The following RBM42 variants were observed in gnomAD, a reference collection of about 807,000 sequenced individuals.
The protein encoded by RBM42 is RNA binding motif protein 42.
In RBM42, 21 loss-of-function variants were observed where a neutral mutation model predicts 41.4. That is an observed-to-expected ratio of 0.51 (90% CI 0.36 to 0.73). The LOEUF (loss-of-function observed/expected upper bound fraction) is 0.73. Among genes scored for constraint, RBM42 ranks in the 30% least tolerant of loss-of-function variants. The probability of loss-of-function intolerance (pLI) is 0.00; values close to 1 mark genes in which losing one functional copy is unlikely to be tolerated. For missense variants in RBM42, 539 were observed against 680.4 expected (o/e 0.79, Z 2.31); for synonymous variants, 272 against 271.2 (o/e 1.00, Z -0.03).
intron 4 of RBM42, chr19:35,631,783 G>GA: frequency 4.2e-6 from 1 of 240,336 alleles, no homozygotes; most frequent in Non-Finnish European, 8.2e-6. Flanking sequence ...TTGATGGGAT[G>GA]AACGGACTGT....
At chr19:35,634,656 A>ATTTTTTT (rs74276917) in intron 8 of RBM42, among the ~76,000 whole-genome samples, 1 of 139,872 alleles carries the variant, frequency 7.1e-6, no homozygotes, top group African/African-American at 2.7e-5. Flanking sequence ...TAGGATAAAA[A>ATTTTTTT]TTTTTTTTTT....
At chr19:35,631,897 G>A in intron 4 of RBM42, 1 of 159,330 alleles carries the variant, frequency 6.3e-6, no homozygotes, top group Non-Finnish European at 1.4e-5. Flanking sequence ...GGATGTGCCA[G>A]CAGTGCTTTT....
At chr19:35,630,827 T>C (rs1568333771) in intron 2 of RBM42, among the ~76,000 whole-genome samples, 1 of 151,446 alleles carries the variant, frequency 6.6e-6, no homozygotes, top group Non-Finnish European at 1.5e-5. Flanking sequence ...GCTAGTACAG[T>C]AATCTAGACA....
rs1307842428 is a variant in RBM42 at position 35,629,041 on chromosome 19, T to A, written c.-113T>A. Reference sequence around the variant, plus strand: ...GTCATGCGCCAGCGCCCGTCGCTTTTGCTGGACGTCATCCTCGGGAGCCCA... The same window carrying A: ...GTCATGCGCCAGCGCCCGTCGCTTTAGCTGGACGTCATCCTCGGGAGCCCA... On this transcript the variant is annotated 5_prime_UTR_variant, in exon 1 of 10. Coordinates refer to ENST00000262633, the MANE Select transcript of RBM42 (RefSeq NM_024321.5). The A allele has an allele frequency of 2.8e-6, 4 of 1,411,930 alleles. No homozygotes were observed. The East Asian group carries it at 1.0e-4, about 37-fold the overall frequency. 87.5% of individuals were successfully genotyped at this position (1,411,930 alleles called of 1,614,324 possible).
chr19:35,631,245 T>TA, intron 3 of RBM42, 21 bp downstream of exon 3: 1 of 1,613,156 alleles, frequency 6.2e-7, no homozygotes, highest in Non-Finnish European at 8.5e-7. Context: ...AGTAGCAAGG[T>TA]GAGGGGGTTG....
At chr19:35,633,322 G>A in intron 6 of RBM42, 70 bp downstream of exon 6, 2 of 1,243,680 alleles carry the variant, frequency 1.6e-6, no homozygotes, top group African/African-American at 1.5e-5. Flanking sequence ...TGGCCCAATG[G>A]GCTATGTCTG....
chr19:35,633,737 G>A lies in RBM42; in HGVS notation c.735G>A (p.Leu245=). ...RELGLGLGLG[L]KEKEEAVVAA... ...TGGGCCTAGGCCTGGGGTTGGGCCT[G>A]AAAGAGAAGGAAGAGGCAGTGGTGG... The change falls in exon 7 of 10, where the codon CTG becomes CTA. Residue 245 remains leucine (L), a synonymous_variant. Transcript: ENST00000262633. 2 of 1,490,600 alleles carry A rather than the reference G, an allele frequency of 1.3e-6. No individual in the cohort carries two copies. The highest frequency in any genetic ancestry group is 2.6e-5 in the East Asian group (1 of 39,046). The allele number at this position is 1,490,600 out of a possible 1,614,324, so 92.3% of individuals were successfully genotyped here. A position where few individuals can be genotyped will look rare whatever the true frequency, so the allele number is the denominator to read the frequency against.
At chr19:35,634,479 G>A (rs1445987785) in intron 8 of RBM42, 106 bp downstream of exon 8, 25 of 730,416 alleles carry the variant, frequency 3.4e-5, no homozygotes, top group South Asian at 2.1e-4. Flanking sequence ...TAGGGTGGGC[G>A]CTGTTGTTAG....
At chr19:35,632,549 T>C (rs1967423789) in intron 4 of RBM42, among the ~76,000 whole-genome samples, 1 of 152,202 alleles carries the variant, frequency 6.6e-6, no homozygotes, top group South Asian at 2.1e-4. Flanking sequence ...TCCCTGGGCC[T>C]GGCTGGGTCA....
Position 35,633,814 on chromosome 19 carries a change from G to A in RBM42, c.812G>A (p.Gly271Glu). 6.6e-7 allele frequency: 1 copy of A among 1,511,324 alleles called. No homozygotes were observed. The highest frequency in any genetic ancestry group is 8.8e-7 in the Non-Finnish European group (1 of 1,136,224). 93.6% of individuals were successfully genotyped at this position (1,511,324 alleles called of 1,614,324 possible). Residue 271 changes from glycine to glutamate, a missense_variant, in exon 7 of 10, where the codon GGA (glycine) becomes GAA (glutamate). Gly to Glu is a moderately conservative substitution (Grantham distance 98). Coordinates refer to ENST00000262633, the MANE Select transcript of RBM42 (RefSeq NM_024321.5). ...AGCGCGGCTGTGGCCGTGGGGGCAG[G>A]AGGTGCCCCAGCTGGCCCTGCAGTC... is the stretch of plus-strand genomic sequence containing the variant. ...EASAAVAVGA[G>E]GAPAGPAVIG...
In RBM42 at chr19:35,637,616, T is replaced by C. The variant is rs1967522306; in HGVS notation, c.*62T>C. 7.6e-7 allele frequency: 1 copy of C among 1,314,496 alleles called. No homozygotes were observed. Among genetic ancestry groups the C allele is most frequent in the Non-Finnish European group, 1.1e-6 (1 of 928,892 alleles). 81.4% of individuals were successfully genotyped at this position (1,314,496 alleles called of 1,614,324 possible). On this transcript the variant is annotated 3_prime_UTR_variant, in exon 10 of 10. Coordinates refer to ENST00000262633, the MANE Select transcript of RBM42 (RefSeq NM_024321.5). The surrounding 1 kb of genome is among the most constrained non-coding windows in gnomAD (Gnocchi z 7.0). ...CGCTGGCTCCTCCCTCAGTTCTCTT[T>C]GGAAAACCCCCAGCTGTCCACCCAT...
chr19:35,631,085 C>T (rs944382649), intron 2 of RBM42, 55 bp from the exon 3 acceptor site: 29 of 1,495,244 alleles, frequency 1.9e-5, no homozygotes, highest in Non-Finnish European at 2.3e-5. Flanking sequence ...GTGAGCTGGC[C>T]GCAGCAGATG....
rs1967396007 is a variant in RBM42 at position 35,631,058 on chromosome 19, G to A, written c.283-82G>A. Reference sequence around the variant, plus strand: ...CCACATACAGAGCACAAAGCATGAAGCTCTTGGTCTCTTGGGGTGAGCTGG... The same window carrying A: ...CCACATACAGAGCACAAAGCATGAAACTCTTGGTCTCTTGGGGTGAGCTGG... On this transcript the variant is annotated intron_variant, in intron 2 of 9. Coordinates refer to ENST00000262633, the MANE Select transcript of RBM42 (RefSeq NM_024321.5). The A allele has an allele frequency of 2.5e-6, 3 of 1,214,730 alleles. No individual in the cohort carries two copies. In the Admixed American group the frequency reaches 5.1e-5, roughly 21 times the overall value. The allele number at this position is 1,214,730 out of a possible 1,614,324, so 75.2% of individuals were successfully genotyped here.
intron 8 of RBM42, 109 bp downstream of exon 8, chr19:35,634,482 G>T: frequency 1.4e-6 from 1 of 719,420 alleles, no homozygotes; most frequent in Non-Finnish European, 2.4e-6. Context: ...GGTGGGCGCT[G>T]TTGTTAGCCC....
chr19:35,633,936 C>G lies in RBM42; in HGVS notation c.934C>G (p.Leu312Val). The stretch of plus-strand genomic sequence containing the variant: ...GGTCGTCCGCGGCCTCCTGCCCCCG[C>G]TGCGCATTCCTGAACTCCTGTCCCT... ...LEVVRGLLPP[L>V]RIPELLSLRP... Residue 312 changes from leucine to valine, a missense_variant, in exon 7 of 10, where the codon CTG becomes GTG. Around this residue, in one of 2 missense-constraint regions of RBM42, gnomAD observed 429 missense variants for 488.9 expected, o/e 0.88. Transcript: ENST00000262633. 1 of 1,578,362 alleles carries G rather than the reference C, an allele frequency of 6.3e-7. No homozygotes were observed.
rs1283414613 is a variant in RBM42 at position 35,637,370 on chromosome 19, TG to T, written c.1330+21del. 6.2e-7 allele frequency: 1 copy of T among 1,613,830 alleles called. No homozygotes were observed. The highest frequency in any genetic ancestry group is 2.2e-5 in the East Asian group (1 of 44,860). ...GATGAATGGTGGGTGCGGCCTCCCC[TG>T]GGAACTGCAGGCGCGGCAGGCGCTG... is the stretch of plus-strand genomic sequence containing the variant. On this transcript the variant is annotated intron_variant, in intron 9 of 9. Coordinates refer to ENST00000262633, the MANE Select transcript of RBM42 (RefSeq NM_024321.5). The surrounding 1 kb of genome is among the most constrained non-coding windows in gnomAD (Gnocchi z 7.0).
intron 1 of RBM42, 63 bp downstream of exon 1, chr19:35,629,344 C>T (rs1179460351): frequency 6.7e-7 from 1 of 1,483,978 alleles, no homozygotes; most frequent in South Asian, 1.3e-5. Context: ...AATCTCGGAG[C>T]CTCCAGGCCT....
At chr19:35,632,532 G>A (rs1967423649) in intron 4 of RBM42, among the ~76,000 whole-genome samples, 1 of 152,182 alleles carries the variant, frequency 6.6e-6, no homozygotes, top group Non-Finnish European at 1.5e-5. Flanking sequence ...CTTTCTCCAG[G>A]AAGCCTTCCC....
rs1568335906 is a variant in RBM42 at position 35,637,297 on chromosome 19, C to T, written c.1275C>T (p.Gly425=). Reference sequence around the variant, plus strand: ...GCACAGGCAAGACCAAGGGCTACGGCTTCGTCAGCTTCAAGGACCCCAGCG... The same window carrying T: ...GCACAGGCAAGACCAAGGGCTACGGTTTCGTCAGCTTCAAGGACCCCAGCG... The part of the protein sequence containing the change: ...DKRTGKTKGY[G]FVSFKDPSDY... Residue 425 remains glycine, a synonymous_variant, in exon 9 of 10, where the codon GGC becomes GGT. Coordinates refer to ENST00000262633, the MANE Select transcript of RBM42 (RefSeq NM_024321.5). This position sits in a 1 kb window ranked among gnomAD's most constrained non-coding sequence, Gnocchi z 7.0. 1 of 1,614,256 alleles carries T rather than the reference C, an allele frequency of 6.2e-7. No individual in the cohort carries two copies. Among genetic ancestry groups the T allele is most frequent in the South Asian group, 1.1e-5 (1 of 91,092 alleles).
Sources: gnomAD v4.1 joint callset for allele counts (sites outside exome capture counted in the v4.1 genomes callset) on GRCh38, gnomAD v4.1.1 for gene constraint, gnomAD v4.1.1 regional missense constraint, Gnocchi (gnomAD v3.1) non-coding constraint, MANE v1.5 for transcripts, NCBI Gene and HGNC (gene_info 2026-07-23, HGNC 2026-07-21) for gene names.